NR3C2: variants seen among roughly 807,000 people sequenced by gnomAD.
The protein encoded by NR3C2 is nuclear receptor subfamily 3 group C member 2.
NR3C2 carries 15 observed loss-of-function variants against 86.4 expected under a neutral mutation model. That is an observed-to-expected ratio of 0.17 (90% CI 0.12 to 0.27). NR3C2 has a LOEUF of 0.27. Among genes scored for constraint, NR3C2 ranks in the 10% least tolerant of loss-of-function variants. The pLI is 1.00. For synonymous variants in NR3C2, 458 were observed against 450.5 expected (o/e 1.02, Z -0.21); for missense variants, 960 against 1,195.6 (o/e 0.80, Z 2.91).
At chr4:148,318,839 T>C (rs1295797323) in intron 2 of NR3C2, among the ~76,000 whole-genome samples, 1 of 152,136 alleles carries the variant, frequency 6.6e-6, no homozygotes, top group African/African-American at 2.4e-5. Context: ...CTGATCACTC[T>C]GATGGTAGTT....
intron 2 of NR3C2, among the ~76,000 whole-genome samples, chr4:148,364,933 G>A (rs953408353): frequency 1.4e-4 from 21 of 151,910 alleles, no homozygotes; most frequent in Admixed American, 1.0e-3. Flanking sequence ...AGAGCCTGAA[G>A]CTAATTTTAC....
intron 8 of NR3C2, among the ~76,000 whole-genome samples, chr4:148,101,835 T>C (rs1243771347): frequency 1.3e-5 from 2 of 152,130 alleles, no homozygotes; most frequent in Non-Finnish European, 2.9e-5. Flanking sequence ...CTCTTCTATT[T>C]ATTAAGGCAA....
intron 3 of NR3C2, among the ~76,000 whole-genome samples, chr4:148,198,448 T>C (rs1369068884): frequency 6.6e-6 from 1 of 151,764 alleles, no homozygotes; most frequent in Non-Finnish European, 1.5e-5. Context: ...AACAGAAAAG[T>C]AGAAAAACGA....
At chr4:148,110,896 G>A (rs575288931) in intron 8 of NR3C2, among the ~76,000 whole-genome samples, 7 of 152,096 alleles carry the variant, frequency 4.6e-5, no homozygotes, top group Non-Finnish European at 1.0e-4. Flanking sequence ...ATGCTAGAAG[G>A]AAACATAGAG....
At chr4:148,314,649 G>A (rs932776435) in intron 2 of NR3C2, among the ~76,000 whole-genome samples, 1 of 152,018 alleles carries the variant, frequency 6.6e-6, no homozygotes, top group African/African-American at 2.4e-5. Context: ...TTCCTAGAAA[G>A]GATAACTTCA....
At chr4:148,311,224 C>G (rs1742884475) in intron 2 of NR3C2, among the ~76,000 whole-genome samples, 1 of 152,102 alleles carries the variant, frequency 6.6e-6, no homozygotes, top group African/African-American at 2.4e-5. Flanking sequence ...CAGCTCTATT[C>G]TTATGACTCT....
intron 2 of NR3C2, among the ~76,000 whole-genome samples, chr4:148,349,556 C>G (rs1304375752): frequency 6.6e-6 from 1 of 152,076 alleles, no homozygotes; most frequent in Non-Finnish European, 1.5e-5. Context: ...TGACAAATAC[C>G]TACAAAGACA....
In NR3C2 at chr4:148,308,386, C is replaced by G. The variant is rs143721468; in HGVS notation, c.1758-48269G>C. ...TGTTGCATATATGAATCCCAAAGAT[C>G]TTAGTCTGTTTCTACTTGAAATCCA... On this transcript the variant is annotated intron_variant, in intron 2 of 8. Transcript: ENST00000358102. 1.3e-3 allele frequency among the ~76,000 whole-genome samples: 201 copies of G among 152,200 alleles called. 1 individual carries two copies. Among genetic ancestry groups the G allele is most frequent in the African/African-American group, 4.5e-3 (187 of 41,526 alleles).
chr4:148,427,819 G>A (rs899044975), intron 2 of NR3C2, among the ~76,000 whole-genome samples: 1 of 152,244 alleles, frequency 6.6e-6, no homozygotes, highest in Admixed American at 6.5e-5. Context: ...ACAAGGCAAA[G>A]GGACACAGAA....
chr4:148,405,808 T>C (rs192306571), intron 2 of NR3C2, among the ~76,000 whole-genome samples: 28 of 152,344 alleles, frequency 1.8e-4, no homozygotes. Context: ...CTGGCCTTGC[T>C]GGCCTTGCCA....
rs113829200 is a variant in NR3C2 at position 148,412,028 on chromosome 4, T to G, written c.1757+23076A>C. 4.9e-3 allele frequency among the ~76,000 whole-genome samples: 748 copies of G among 152,296 alleles called. 8 individuals are homozygous for G. The highest frequency in any genetic ancestry group is 0.017 in the African/African-American group (726 of 41,566). On this transcript the variant is annotated intron_variant, in intron 2 of 8. Coordinates refer to ENST00000358102, the MANE Select transcript of NR3C2 (RefSeq NM_000901.5). ...GCTATAACACATCCAGTTGTTGCAT[T>G]TACTAATTGTGTCATCCTGGCCAAG...
At chr4:148,096,259 T>C (rs1167754759) in intron 8 of NR3C2, among the ~76,000 whole-genome samples, 4 of 152,132 alleles carry the variant, frequency 2.6e-5, no homozygotes, top group Non-Finnish European at 5.9e-5. Context: ...GAAAGGGTGG[T>C]GTTTGAAATG....
chr4:148,130,809 G>GTTTTTTTTTTTT (rs1326806513), intron 6 of NR3C2, among the ~76,000 whole-genome samples: 1 of 52,188 alleles, frequency 1.9e-5, no homozygotes, highest in African/African-American at 4.9e-5. Flanking sequence ...GTTTTGTTTT[G>GTTTTTTTTTTTT]TTTTGTTTTG....
At chr4:148,189,552 G>A (rs1736098873) in intron 4 of NR3C2, among the ~76,000 whole-genome samples, 1 of 152,044 alleles carries the variant, frequency 6.6e-6, no homozygotes, top group Non-Finnish European at 1.5e-5. Flanking sequence ...ATGAATTAGG[G>A]AGGGTTCCTT....
chr4:148,282,505 G>C (rs570948336), intron 2 of NR3C2, among the ~76,000 whole-genome samples: 2 of 152,182 alleles, frequency 1.3e-5, no homozygotes, highest in Non-Finnish European at 2.9e-5. Flanking sequence ...CATAAAAGTA[G>C]GGATAAAATT....
chr4:148,161,706 T>C (rs1269647304), intron 4 of NR3C2, among the ~76,000 whole-genome samples: 1 of 152,170 alleles, frequency 6.6e-6, no homozygotes, highest in African/African-American at 2.4e-5. Context: ...TGTTATATGT[T>C]TATTACTTAG....
chr4:148,317,258 G>C (rs1743238394), intron 2 of NR3C2, among the ~76,000 whole-genome samples: 1 of 152,008 alleles, frequency 6.6e-6, no homozygotes, highest in Non-Finnish European at 1.5e-5. Flanking sequence ...GTGAGGCTGT[G>C]GCAGGAGAAT....
Position 148,327,653 on chromosome 4 carries a change from G to A in NR3C2, c.1758-67536C>T, listed in dbSNP as rs367589974. Among the ~76,000 whole-genome samples the A allele has an allele frequency of 6.6e-5, 10 of 152,322 alleles. No homozygotes were observed. The East Asian group carries it at 1.5e-3, about 23-fold the overall frequency. On this transcript the variant is annotated intron_variant, in intron 2 of 8. Transcript: ENST00000358102. ...TGATGGAACAGTAGTGCATATGCTT[G>A]AACAAAGGGCTTGAACAAGAGTGGG...
At chr4:148,321,868 G>C (rs1743616249) in intron 2 of NR3C2, among the ~76,000 whole-genome samples, 1 of 152,246 alleles carries the variant, frequency 6.6e-6, no homozygotes, top group South Asian at 2.1e-4. Context: ...GGAGCATTTA[G>C]TCCATTTACA....
Sources: allele counts gnomAD v4.1 joint callset (sites outside exome capture counted in the v4.1 genomes callset), GRCh38; gene constraint gnomAD v4.1.1; transcripts MANE v1.5; gene names NCBI Gene and HGNC (gene_info 2026-07-23, HGNC 2026-07-21).